SLC26A11: variants seen among roughly 807,000 people sequenced by gnomAD.
SLC26A11 encodes solute carrier family 26 member 11.
SLC26A11 carries 58 observed loss-of-function variants against 62.2 expected under a neutral mutation model. The ratio of observed to expected loss-of-function variants is 0.93; its 90% CI spans 0.76 to 1.16. The LOEUF (loss-of-function observed/expected upper bound fraction) is 1.16. Ranked by LOEUF, SLC26A11 falls within the 50% of genes most tolerant of loss-of-function variation. The pLI, the probability that SLC26A11 is intolerant of heterozygous loss-of-function variation, is 0.00. For synonymous variants in SLC26A11, 411 were observed against 368.9 expected (o/e 1.11, Z -1.31); for missense variants, 790 against 794.3 (o/e 0.99, Z 0.06).
intron 9 of SLC26A11, 57 bp downstream of exon 9, chr17:80,237,651 T>C: frequency 1.3e-6 from 2 of 1,532,172 alleles, no homozygotes; most frequent in Non-Finnish European, 8.9e-7. Flanking sequence ...GGGCTAGGCC[T>C]GCCTGCTTTC....
rs557741698 is a variant in SLC26A11, at chr17:80,246,823, G to C, written c.1294+174G>C. On this transcript the variant is annotated intron_variant, in intron 13 of 17. Transcript: ENST00000361193. This position sits in a 1 kb window ranked among gnomAD's most constrained non-coding sequence, Gnocchi z 4.4. The stretch of plus-strand genomic sequence containing the variant: ...AGGAGATGGCCCCAGAGATGGTCCC[G>C]AGGCTCAGTGGGAAGAGCTGGAGCT... Among the ~76,000 whole-genome samples the C allele has an allele frequency of 6.6e-6, 1 of 152,298 alleles. No homozygotes were observed. The highest frequency in any genetic ancestry group is 2.4e-5 in the African/African-American group (1 of 41,562).
chr17:80,237,069 C>G lies in SLC26A11; in HGVS notation c.878C>G (p.Ala293Gly), dbSNP rs74000655. The change falls in exon 8 of 18, where the codon GCC becomes GGC. Residue 293 changes from alanine to glycine, a missense_variant. By Grantham distance (60) the Ala-to-Gly change is moderately conservative. Transcript: ENST00000361193. The part of the protein sequence containing the change: ...VRIPPFSVTT[A>G]NGTISFTEMV... Reference sequence around the variant, plus strand: ...ATCCCGCCCTTCTCAGTGACCACAGCCAACGGGACGATCTCCTTCACCGAG... The same window carrying G: ...ATCCCGCCCTTCTCAGTGACCACAGGCAACGGGACGATCTCCTTCACCGAG... 294 of 1,613,652 alleles carry G rather than the reference C, an allele frequency of 1.8e-4. 1 individual carries two copies. In the African/African-American group the frequency reaches 3.7e-3, roughly 20 times the overall value.
chr17:80,224,622 G>A (rs2042353994), intron 5 of SLC26A11, among the ~76,000 whole-genome samples: 1 of 152,168 alleles, frequency 6.6e-6, no homozygotes, highest in African/African-American at 2.4e-5. Context: ...AGGTGTGGGT[G>A]AGCGTGATTT....
chr17:80,245,476 G>A, intron 11 of SLC26A11: 1 of 559,862 alleles, frequency 1.8e-6, no homozygotes, highest in Non-Finnish European at 3.2e-6. Flanking sequence ...GTTCCACTGG[G>A]CATTGTGGTA....
intron 7 of SLC26A11, among the ~76,000 whole-genome samples, chr17:80,236,462 C>T (rs1036248262): frequency 2.0e-5 from 3 of 152,248 alleles, no homozygotes; most frequent in African/African-American, 7.2e-5. Context: ...GCCGGCGGGG[C>T]AGTGATAGAC....
intron 7 of SLC26A11, among the ~76,000 whole-genome samples, chr17:80,233,790 G>T (rs1217058464): frequency 8.3e-6 from 1 of 120,990 alleles, no homozygotes; most frequent in African/African-American, 3.0e-5. Context: ...CGTTGCCCAG[G>T]CTGGTCTCTT....
intron 7 of SLC26A11, among the ~76,000 whole-genome samples, chr17:80,229,583 C>T (rs931317679): frequency 1.5e-4 from 23 of 152,046 alleles, no homozygotes; most frequent in Admixed American, 1.4e-3. Context: ...GCGTGCACCA[C>T]CACACCTGGC....
At chr17:80,244,031 C>T (rs2042932394) in intron 10 of SLC26A11, among the ~76,000 whole-genome samples, 1 of 152,240 alleles carries the variant, frequency 6.6e-6, no homozygotes, top group African/African-American at 2.4e-5. Flanking sequence ...CTTGCCCTAG[C>T]CCATCTCTCT....
chr17:80,250,870 G>A (rs973352119), intron 16 of SLC26A11, among the ~76,000 whole-genome samples: 4 of 151,842 alleles, frequency 2.6e-5, no homozygotes, highest in African/African-American at 9.7e-5. Context: ...GCCAGGCGCT[G>A]TGGCTCACAC....
chr17:80,248,227 C>A lies in SLC26A11; in HGVS notation c.1392C>A (p.Leu464=), dbSNP rs770872700. 3 of 1,609,672 alleles carry A rather than the reference C, an allele frequency of 1.9e-6. No homozygotes were observed. Among genetic ancestry groups the A allele is most frequent in the African/African-American group, 1.3e-5 (1 of 75,024 alleles). The change falls in exon 14 of 18, where the codon CTC becomes CTA. Residue 464 remains leucine (L), a synonymous_variant. Transcript: ENST00000361193. ...GGGCCCTGGTGTCTCTGCTCATGCT[C>A]CTGCACTCTGCAGCCAGGCCTGAGA... The part of the protein sequence containing the change: ...LAGALVSLLM[L]LHSAARPETK...
At position 80,248,598 on chromosome 17, in the gene SLC26A11, C is replaced by A; in HGVS notation, c.1446C>A (p.Val482=). 6.3e-7 allele frequency: 1 copy of A among 1,587,756 alleles called. No individual in the cohort carries two copies. Among genetic ancestry groups the A allele is most frequent in the East Asian group, 2.3e-5 (1 of 43,366 alleles). The part of the protein sequence containing the change: ...ETKVSEGPVL[V]LQPASGLSFP... The stretch of plus-strand genomic sequence containing the variant: ...AGGTGTCAGAGGGGCCGGTTCTGGT[C>A]CTGCAGCCGGCCAGCGGCCTGTCCT... The change falls in exon 15 of 18, where the codon GTC becomes GTA. Residue 482 remains valine (V), a synonymous_variant. Transcript: ENST00000361193.
intron 10 of SLC26A11, among the ~76,000 whole-genome samples, chr17:80,244,510 C>T (rs976165453): frequency 1.3e-5 from 2 of 152,180 alleles, no homozygotes; most frequent in Non-Finnish European, 2.9e-5. Flanking sequence ...GAAGGCGTGT[C>T]CTGGTCACAC....
chr17:80,224,512 G>T (rs1028481762), intron 5 of SLC26A11, among the ~76,000 whole-genome samples: 5 of 152,130 alleles, frequency 3.3e-5, no homozygotes, highest in South Asian at 2.1e-4. Flanking sequence ...CTCTTGCTAC[G>T]TGCGAGGCAC....
chr17:80,244,062 T>C (rs1326537078), intron 10 of SLC26A11, among the ~76,000 whole-genome samples: 3 of 152,204 alleles, frequency 2.0e-5, no homozygotes, highest in Non-Finnish European at 2.9e-5. Context: ...AGCTGGGCCA[T>C]GTCACCCGGG....
intron 14 of SLC26A11, 143 bp from the exon 15 acceptor site, chr17:80,248,432 G>T: frequency 8.1e-7 from 1 of 1,232,206 alleles, no homozygotes; most frequent in Non-Finnish European, 1.1e-6. Context: ...ACTGTGTGGG[G>T]GCCATGGGGG....
intron 16 of SLC26A11, among the ~76,000 whole-genome samples, chr17:80,249,929 A>G (rs1046557333): frequency 6.6e-6 from 1 of 152,108 alleles, no homozygotes; most frequent in African/African-American, 2.4e-5. Flanking sequence ...GAAAAAAAAC[A>G]GGTGCTCATA....
At chr17:80,242,799 T>G (rs188399420) in intron 10 of SLC26A11, among the ~76,000 whole-genome samples, 1 of 152,024 alleles carries the variant, frequency 6.6e-6, no homozygotes, top group Non-Finnish European at 1.5e-5. Context: ...ACCTCTGCCT[T>G]CTGGGTTCAT....
intron 5 of SLC26A11, among the ~76,000 whole-genome samples, chr17:80,225,008 A>G (rs983332047): frequency 6.6e-6 from 1 of 152,006 alleles, no homozygotes; most frequent in Non-Finnish European, 1.5e-5. Flanking sequence ...CAGGGCCTCA[A>G]CTTTCCCCTC....
rs1263160328 is a variant in SLC26A11 at position 80,223,341 on chromosome 17, G to A, written c.513+4G>A. 1.2e-6 allele frequency: 2 copies of A among 1,613,934 alleles called. No individual in the cohort carries two copies. The highest frequency in any genetic ancestry group is 1.1e-5 in the South Asian group (1 of 91,074). On this transcript the variant is annotated splice_donor_region_variant and intron_variant, in intron 5 of 17. Transcript: ENST00000361193. The surrounding 1 kb of genome is among the most constrained non-coding windows in gnomAD (Gnocchi z 4.6). ...CATCGGCTTTGGACAGATCAAGGTA[G>A]GCACGGCGCCCACCCAGGGCACTGC...
Sources: allele counts gnomAD v4.1 joint callset (sites outside exome capture counted in the v4.1 genomes callset), GRCh38; gene constraint gnomAD v4.1.1; non-coding constraint Gnocchi (gnomAD v3.1); transcripts MANE v1.5; gene names NCBI Gene and HGNC (gene_info 2026-07-23, HGNC 2026-07-21).